Variants in AFAP1 observed in about 807,000 individuals in gnomAD.
AFAP1 encodes actin filament associated protein 1, also known as actin filament-associated protein 1.
AFAP1 carries 75 observed loss-of-function variants against 93.9 expected under a neutral mutation model. The observed-to-expected ratio is 0.80, with a 90% CI of 0.66 to 0.97. AFAP1 has a LOEUF of 0.97. Ranked by LOEUF, AFAP1 falls within the 50% of genes least tolerant of loss-of-function variation. AFAP1 has a pLI of 0.00. For synonymous variants in AFAP1, 517 were observed against 430.7 expected (o/e 1.20, Z -2.48); for missense variants, 1,201 against 1,050.8 (o/e 1.14, Z -1.98).
At chr4:7,795,276 C>G (rs528401712) in intron 10 of AFAP1, among the ~76,000 whole-genome samples, 1 of 151,968 alleles carries the variant, frequency 6.6e-6, no homozygotes, top group Non-Finnish European at 1.5e-5. Flanking sequence ...CCATTAAGTA[C>G]CTTACAGAGA....
intron 8 of AFAP1, among the ~76,000 whole-genome samples, chr4:7,811,682 C>CCGTGTGAAGGCG (rs1720056762): frequency 6.6e-6 from 1 of 152,148 alleles, no homozygotes; most frequent in South Asian, 2.1e-4. Context: ...AGAAGAAAGG[C>CCGTGTGAAGGCG]CGTGTGAAGG....
intron 1 of AFAP1, among the ~76,000 whole-genome samples, chr4:7,891,601 G>A (rs1022633229): frequency 5.9e-5 from 9 of 151,996 alleles, no homozygotes; most frequent in African/African-American, 2.2e-4. Context: ...CCTAATCACA[G>A]GCTCTAATGA....
chr4:7,939,366 C>A lies in AFAP1; in HGVS notation c.-3+290G>T, dbSNP rs1447211450. ...TGACGCACACGGGGACCAGCCACGC[C>A]GCGGGGGCACCGGGCAGGAGCCAGC... On this transcript the variant is annotated intron_variant, in intron 1 of 17. Coordinates refer to ENST00000420658, the MANE Select transcript of AFAP1 (RefSeq NM_001134647.2). This position sits in a 1 kb window ranked among gnomAD's most constrained non-coding sequence, Gnocchi z 5.6. The A allele has an allele frequency of 9.3e-6, 3 of 322,080 alleles. No individual in the cohort carries two copies. Among genetic ancestry groups the A allele is most frequent in the South Asian group, 6.8e-5 (3 of 43,902 alleles). The allele number at this position is 322,080 out of a possible 1,614,324, so 20.0% of individuals were successfully genotyped here.
intron 13 of AFAP1, 178 bp from the exon 14 acceptor site, chr4:7,779,054 G>A (rs1716468308): frequency 5.1e-6 from 3 of 589,884 alleles, no homozygotes; most frequent in African/African-American, 3.7e-5. Context: ...GGGCTGCTGG[G>A]ATTCTGGGGA....
chr4:7,923,692 C>T (rs1401876108), intron 1 of AFAP1, among the ~76,000 whole-genome samples: 1 of 152,184 alleles, frequency 6.6e-6, no homozygotes, highest in Non-Finnish European at 1.5e-5. Flanking sequence ...GTCTCAATCT[C>T]CTGACCTTGT....
intron 3 of AFAP1, among the ~76,000 whole-genome samples, chr4:7,856,059 TCA>T (rs1355989544): frequency 6.6e-6 from 1 of 152,150 alleles, no homozygotes; most frequent in Non-Finnish European, 1.5e-5. Flanking sequence ...CCAGCACTCA[TCA>T]CAGAGTGAGT....
Position 7,759,891 on chromosome 4 carries a change from G to A in AFAP1, c.*3874C>T, listed in dbSNP as rs1191093730. On this transcript the variant is annotated 3_prime_UTR_variant, in exon 18 of 18. Transcript: ENST00000420658. ...GATGGCAGTCGCCGGCCACACTGCA[G>A]GCTGCCCATCCTTGGATGGTGTCTA... 1 of 152,278 alleles carries A rather than the reference G, an allele frequency of 6.6e-6. No homozygotes were observed. Among genetic ancestry groups the A allele is most frequent in the Non-Finnish European group, 1.5e-5 (1 of 68,058 alleles). The allele number at this position is 152,278 out of a possible 1,614,324, so 9.4% of individuals were successfully genotyped here.
At chr4:7,908,577 G>A (rs1719557338) in intron 1 of AFAP1, among the ~76,000 whole-genome samples, 1 of 152,186 alleles carries the variant, frequency 6.6e-6, no homozygotes, top group South Asian at 2.1e-4. Context: ...CTTGTGTTCT[G>A]CTAGATTATC....
chr4:7,905,544 G>A (rs551234289), intron 1 of AFAP1, among the ~76,000 whole-genome samples: 1 of 152,342 alleles, frequency 6.6e-6, no homozygotes, highest in South Asian at 2.1e-4. Flanking sequence ...TGAGAAACAG[G>A]TCAACTTTTC....
chr4:7,858,843 T>C (rs1577304919), intron 3 of AFAP1, among the ~76,000 whole-genome samples: 1 of 152,204 alleles, frequency 6.6e-6, no homozygotes. Context: ...CCAGCATTCT[T>C]ATAAAGTTAC....
intron 9 of AFAP1, among the ~76,000 whole-genome samples, chr4:7,803,334 C>T (rs913980407): frequency 5.3e-5 from 8 of 152,246 alleles, no homozygotes; most frequent in Admixed American, 2.0e-4. Flanking sequence ...CAACCCTTCA[C>T]GAGGCCGTGA....
intron 11 of AFAP1, among the ~76,000 whole-genome samples, chr4:7,790,526 A>C (rs949264133): frequency 2.0e-5 from 3 of 152,204 alleles, no homozygotes; most frequent in South Asian, 2.1e-4. Flanking sequence ...ACTTGCAATT[A>C]CATGTGGACG....
intron 1 of AFAP1, among the ~76,000 whole-genome samples, chr4:7,873,627 C>T (rs947091293): frequency 1.3e-5 from 2 of 151,998 alleles, no homozygotes; most frequent in African/African-American, 2.4e-5. Flanking sequence ...GGATTACAGA[C>T]GTGAGCCACC....
chr4:7,810,930 T>C (rs537625829), intron 8 of AFAP1, among the ~76,000 whole-genome samples: 2 of 152,360 alleles, frequency 1.3e-5, no homozygotes, highest in Admixed American at 1.3e-4. Flanking sequence ...CCGAGGGCTC[T>C]GTCCGTGACC....
At chr4:7,937,745 C>T (rs1330260494) in intron 1 of AFAP1, among the ~76,000 whole-genome samples, 1 of 152,158 alleles carries the variant, frequency 6.6e-6, no homozygotes, top group Non-Finnish European at 1.5e-5. Flanking sequence ...CCTCGACCTC[C>T]CAAAGTTCTG....
At chr4:7,816,334 A>C (rs1720480503) in intron 7 of AFAP1, among the ~76,000 whole-genome samples, 2 of 152,236 alleles carry the variant, frequency 1.3e-5, no homozygotes, top group African/African-American at 4.8e-5. Context: ...GGCTATAATT[A>C]TACTAACCTA....
At chr4:7,913,380 CCT>C (rs963797415) in intron 1 of AFAP1, among the ~76,000 whole-genome samples, 12 of 147,008 alleles carry the variant, frequency 8.2e-5, no homozygotes, top group African/African-American at 3.1e-4. Context: ...ACAGTAAGAC[CCT>C]GTCTCCAAAA....
rs1180229611 is a variant in AFAP1 at position 7,761,517 on chromosome 4, T to C, written c.*2248A>G. On this transcript the variant is annotated 3_prime_UTR_variant, in exon 18 of 18. Coordinates refer to ENST00000420658, the MANE Select transcript of AFAP1 (RefSeq NM_001134647.2). ...GACGGCTAAGGCCCACGTGACACTT[T>C]GCGTGCTGCTCACACTTCACCTGCC... The C allele has an allele frequency of 3.3e-5, 5 of 152,286 alleles. No homozygotes were observed. Among genetic ancestry groups the C allele is most frequent in the Admixed American group, 6.5e-5 (1 of 15,288 alleles). The allele number at this position is 152,286 out of a possible 1,614,324, so 9.4% of individuals were successfully genotyped here. A position where few individuals can be genotyped will look rare whatever the true frequency, so the allele number is the denominator to read the frequency against.
intron 1 of AFAP1, among the ~76,000 whole-genome samples, chr4:7,883,062 GTAGTC>G (rs1277357799): frequency 6.6e-6 from 1 of 151,360 alleles, no homozygotes; most frequent in East Asian, 1.9e-4. Flanking sequence ...GCACACACCT[GTAGTC>G]TCAGCTACTT....
Sources: gnomAD v4.1 joint callset for allele counts (sites outside exome capture counted in the v4.1 genomes callset) on GRCh38, gnomAD v4.1.1 for gene constraint, Gnocchi (gnomAD v3.1) non-coding constraint, MANE v1.5 for transcripts, NCBI Gene and HGNC (gene_info 2026-07-23, HGNC 2026-07-21) for gene names.